The following ZNF804A variants were observed in gnomAD, a reference collection of about 807,000 sequenced individuals.
The protein encoded by ZNF804A is zinc finger protein 804A.
In ZNF804A, 2 loss-of-function variants were observed where a neutral mutation model predicts 16.5. The ratio of observed to expected loss-of-function variants is 0.12; its 90% CI spans 0.05 to 0.38. ZNF804A has a LOEUF of 0.38. ZNF804A is among the 10% of genes least tolerant of loss of function. The probability of loss-of-function intolerance (pLI) is 0.99; values close to 1 mark genes in which losing one functional copy is unlikely to be tolerated. For synonymous variants in ZNF804A, 534 were observed against 489.6 expected (o/e 1.09, Z -1.20); for missense variants, 1,473 against 1,390.7 (o/e 1.06, Z -0.94).
intron 1 of ZNF804A, among the ~76,000 whole-genome samples, chr2:184,640,099 T>C (rs921988695): frequency 9.2e-5 from 14 of 152,064 alleles, no homozygotes; most frequent in African/African-American, 3.1e-4. Flanking sequence ...AATTCTATAC[T>C]TTGGAACTCA....
intron 2 of ZNF804A, among the ~76,000 whole-genome samples, chr2:184,911,620 TA>T (rs1352650799): frequency 6.6e-6 from 1 of 151,486 alleles, no homozygotes; most frequent in Admixed American, 6.6e-5. Flanking sequence ...AATTTTTTTT[TA>T]TTTGTTTGTG....
At chr2:184,628,328 G>GA (rs374576650) in intron 1 of ZNF804A, among the ~76,000 whole-genome samples, 2 of 149,384 alleles carry the variant, frequency 1.3e-5, no homozygotes, top group East Asian at 3.9e-4. Context: ...AGAAAAGAAA[G>GA]AAAAAAAAGG....
intron 1 of ZNF804A, among the ~76,000 whole-genome samples, chr2:184,759,060 T>A (rs750253342): frequency 8.6e-5 from 13 of 151,490 alleles, no homozygotes; most frequent in Non-Finnish European, 1.8e-4. Context: ...GTAGTATATA[T>A]GTAATATGTA....
At chr2:184,763,260 T>C (rs1694067129) in intron 1 of ZNF804A, among the ~76,000 whole-genome samples, 1 of 152,134 alleles carries the variant, frequency 6.6e-6, no homozygotes, top group Admixed American at 6.6e-5. Context: ...GTGAGCTCTT[T>C]ATGATGGGCC....
chr2:184,605,258 C>A (rs1314325565), intron 1 of ZNF804A, among the ~76,000 whole-genome samples: 2 of 152,020 alleles, frequency 1.3e-5, no homozygotes, highest in Non-Finnish European at 2.9e-5. Context: ...TGGTGTACTG[C>A]AACAAAAATT....
chr2:184,866,414 C>T lies in ZNF804A; in HGVS notation c.157C>T (p.Leu53=). 3 of 1,613,160 alleles carry T rather than the reference C, an allele frequency of 1.9e-6. No individual in the cohort carries two copies. The highest frequency in any genetic ancestry group is 2.5e-6 in the Non-Finnish European group (3 of 1,179,514). The change falls in exon 2 of 4, where the codon CTG becomes TTG. Residue 53 remains leucine, a synonymous_variant. Coordinates refer to ENST00000302277, the MANE Select transcript of ZNF804A (RefSeq NM_194250.2). ...TACCATAGCAAAAGCTCTGGAAGAT[C>T]TGAAGGCAAATTTTTACTGTGAACT... ...ENTIAKALED[L]KANFYCELCD...
intron 1 of ZNF804A, among the ~76,000 whole-genome samples, chr2:184,825,764 T>C (rs1189125189): frequency 6.6e-6 from 1 of 152,144 alleles, no homozygotes; most frequent in East Asian, 1.9e-4. Flanking sequence ...ATTTGCATCT[T>C]CAAAATAAAT....
chr2:184,700,351 AT>A (rs1213259317), intron 1 of ZNF804A, among the ~76,000 whole-genome samples: 1 of 152,024 alleles, frequency 6.6e-6, no homozygotes, highest in African/African-American at 2.4e-5. Context: ...ACTGAAAAAT[AT>A]TTTTGTGTAA....
intron 1 of ZNF804A, among the ~76,000 whole-genome samples, chr2:184,615,327 A>T (rs1374653765): frequency 6.6e-6 from 1 of 152,178 alleles, no homozygotes; most frequent in Non-Finnish European, 1.5e-5. Context: ...TATGTAACAC[A>T]CCTGCACATT....
intron 1 of ZNF804A, among the ~76,000 whole-genome samples, chr2:184,762,868 A>G (rs1694060326): frequency 6.6e-6 from 1 of 152,136 alleles, no homozygotes; most frequent in East Asian, 1.9e-4. Flanking sequence ...AAAGAGAATA[A>G]TATAACAAAT....
intron 2 of ZNF804A, among the ~76,000 whole-genome samples, chr2:184,874,145 T>C (rs140117268): frequency 6.6e-6 from 1 of 152,042 alleles, no homozygotes; most frequent in South Asian, 2.1e-4. Context: ...TAAAGCAAAA[T>C]GTAATGTTTT....
chr2:184,778,678 A>T (rs1020429943), intron 1 of ZNF804A, among the ~76,000 whole-genome samples: 1 of 151,738 alleles, frequency 6.6e-6, no homozygotes, highest in Non-Finnish European at 1.5e-5. Flanking sequence ...CCAAAGCAAC[A>T]CCAGGCATTC....
At chr2:184,905,526 A>G (rs1301910216) in intron 2 of ZNF804A, among the ~76,000 whole-genome samples, 2 of 152,128 alleles carry the variant, frequency 1.3e-5, no homozygotes, top group Admixed American at 1.3e-4. Context: ...CTTTTCTATC[A>G]TTTAGTGTTA....
At chr2:184,855,267 CG>C (rs1558983219) in intron 1 of ZNF804A, among the ~76,000 whole-genome samples, 2 of 151,956 alleles carry the variant, frequency 1.3e-5, no homozygotes, top group Non-Finnish European at 2.9e-5. Context: ...TCAGTGTTTT[CG>C]GGGAGTGAAT....
intron 1 of ZNF804A, among the ~76,000 whole-genome samples, chr2:184,736,364 A>G (rs1693613070): frequency 6.6e-6 from 1 of 152,214 alleles, no homozygotes; most frequent in Admixed American, 6.5e-5. Flanking sequence ...GGCAATAGAA[A>G]ATAAGTGTTC....
chr2:184,795,178 G>A (rs932646622), intron 1 of ZNF804A, among the ~76,000 whole-genome samples: 6 of 151,944 alleles, frequency 3.9e-5, no homozygotes, highest in Admixed American at 2.6e-4. Context: ...GCCACAAAAT[G>A]AGCCTAAATA....
At chr2:184,741,884 A>G (rs766805606) in intron 1 of ZNF804A, among the ~76,000 whole-genome samples, 1 of 152,130 alleles carries the variant, frequency 6.6e-6, no homozygotes, top group Non-Finnish European at 1.5e-5. Flanking sequence ...GTGTACAAGT[A>G]ATTAGAATTT....
intron 2 of ZNF804A, among the ~76,000 whole-genome samples, chr2:184,885,903 C>G (rs1684881106): frequency 6.6e-6 from 1 of 152,102 alleles, no homozygotes; most frequent in South Asian, 2.1e-4. Flanking sequence ...GGGACACAGC[C>G]AAATCATATC....
intron 1 of ZNF804A, among the ~76,000 whole-genome samples, chr2:184,831,159 C>T (rs981144323): frequency 4.7e-4 from 72 of 152,074 alleles, no homozygotes; most frequent in African/African-American, 1.6e-3. Flanking sequence ...AGGTACAGCA[C>T]CACTTATTTA....
Sources: allele counts gnomAD v4.1 joint callset (sites outside exome capture counted in the v4.1 genomes callset), GRCh38; gene constraint gnomAD v4.1.1; transcripts MANE v1.5; gene names NCBI Gene and HGNC (gene_info 2026-07-23, HGNC 2026-07-21).